COL9A2: variants seen among roughly 807,000 people sequenced by gnomAD.
COL9A2 encodes the protein collagen alpha-2(IX) chain.
COL9A2 carries 66 observed loss-of-function variants against 111.6 expected under a neutral mutation model. The ratio of observed to expected loss-of-function variants is 0.59; its 90% CI spans 0.48 to 0.73. COL9A2 has a LOEUF of 0.73. Among genes scored for constraint, COL9A2 ranks in the 30% least tolerant of loss-of-function variants. The pLI is 0.00. For synonymous variants in COL9A2, 353 were observed against 364.1 expected (o/e 0.97, Z 0.35); for missense variants, 881 against 954.1 (o/e 0.92, Z 1.01).
chr1:40,311,248 TG>T lies in COL9A2; in HGVS notation c.557del (p.Pro186GlnfsTer6), dbSNP rs749888464. ...CTCTCACCTTCACTCCCTGCAGCCC[TG>T]GGGGACCTTTCATTCCGGGTGGACA... ...TNCPPGMKGPPGLQGVKGHAG... is the reference protein window; with the variant it reads ...TNCPPGMKGPXGLQGVKGHAG... On this transcript the variant is annotated frameshift_variant, in exon 11 of 32. Coordinates refer to ENST00000372748, the MANE Select transcript of COL9A2 (RefSeq NM_001852.4). LOFTEE classifies it high-confidence loss of function. This position sits in a 1 kb window ranked among gnomAD's most constrained non-coding sequence, Gnocchi z 5.1. The T allele has an allele frequency of 1.9e-6, 3 of 1,614,146 alleles. No homozygotes were observed. The highest frequency in any genetic ancestry group is 2.5e-6 in the Non-Finnish European group (3 of 1,180,004).
chr1:40,303,451 C>A lies in COL9A2; in HGVS notation c.1548+79G>T, dbSNP rs933903733. On this transcript the variant is annotated intron_variant, in intron 28 of 31. Transcript: ENST00000372748. The surrounding 1 kb of genome is among the most constrained non-coding windows in gnomAD (Gnocchi z 4.6). The stretch of plus-strand genomic sequence containing the variant: ...GGAAGTCGGTGAGTCTCTGGGAATC[C>A]CTAGCCTTTGGCGGGTAAGCCGCAC... 5 of 1,580,290 alleles carry A rather than the reference C, an allele frequency of 3.2e-6. No individual in the cohort carries two copies. The highest frequency in any genetic ancestry group is 1.1e-5 in the South Asian group (1 of 88,326).
chr1:40,307,684 T>C lies in COL9A2; in HGVS notation c.954+19A>G. ...AGGTCCTGCCCCTGCCCCAGTCCCA[T>C]CAGCAGCCCCACTCCTACCTTCATG... is the stretch of plus-strand genomic sequence containing the variant. On this transcript the variant is annotated intron_variant, in intron 18 of 31. Coordinates refer to ENST00000372748, the MANE Select transcript of COL9A2 (RefSeq NM_001852.4). The surrounding 1 kb of genome is among the most constrained non-coding windows in gnomAD (Gnocchi z 4.8). The C allele has an allele frequency of 6.2e-7, 1 of 1,613,952 alleles. No individual in the cohort carries two copies. Among genetic ancestry groups the C allele is most frequent in the Non-Finnish European group, 8.5e-7 (1 of 1,179,892 alleles).
At chr1:40,304,203 A>G (rs1643982339) in intron 24 of COL9A2, 104 bp from the exon 25 acceptor site, 1 of 1,516,496 alleles carries the variant, frequency 6.6e-7, no homozygotes, top group African/African-American at 1.4e-5. Context: ...CTCGCCGACC[A>G]GACCAGAACC....
Position 40,303,327 on chromosome 1 carries a change from T to C in COL9A2, c.1549-142A>G, listed in dbSNP as rs935847029. 10 of 1,144,380 alleles carry C rather than the reference T, an allele frequency of 8.7e-6. No homozygotes were observed. Among genetic ancestry groups the C allele is most frequent in the African/African-American group, 3.1e-5 (2 of 64,814 alleles). 70.9% of individuals were successfully genotyped at this position (1,144,380 alleles called of 1,614,324 possible). On this transcript the variant is annotated intron_variant, in intron 28 of 31. Transcript: ENST00000372748. The surrounding 1 kb of genome is among the most constrained non-coding windows in gnomAD (Gnocchi z 4.6). The stretch of plus-strand genomic sequence containing the variant: ...CCCAAGCTGAGGAACAGATTGTACC[T>C]GGGCAGGGCCAAGGGCTTACTTGGG...
intron 24 of COL9A2, 96 bp downstream of exon 24, chr1:40,304,224 C>A: frequency 1.3e-6 from 2 of 1,523,882 alleles, no homozygotes; most frequent in Admixed American, 2.0e-5. Context: ...CTGAGATCCG[C>A]AGGTTTGGAG....
Position 40,312,321 on chromosome 1 carries a change from T to C in COL9A2, c.363+135A>G. The C allele has an allele frequency of 7.7e-7, 1 of 1,307,106 alleles. No individual in the cohort carries two copies. Among genetic ancestry groups the C allele is most frequent in the South Asian group, 1.3e-5 (1 of 78,528 alleles). The allele number at this position is 1,307,106 out of a possible 1,614,324, so 81.0% of individuals were successfully genotyped here. A position where few individuals can be genotyped will look rare whatever the true frequency, so the allele number is the denominator to read the frequency against. On this transcript the variant is annotated intron_variant, in intron 7 of 31. Coordinates refer to ENST00000372748, the MANE Select transcript of COL9A2 (RefSeq NM_001852.4). The surrounding 1 kb of genome is among the most constrained non-coding windows in gnomAD (Gnocchi z 6.0). Reference sequence around the variant, plus strand: ...CCAGAGTGGGCTGGCCCTGGGTCTCTGGCAGGTCCACTTATTCCTGACACT... The same window carrying C: ...CCAGAGTGGGCTGGCCCTGGGTCTCCGGCAGGTCCACTTATTCCTGACACT...
rs1489018835 is a variant in COL9A2 at position 40,302,793 on chromosome 1, G to A, written c.1620C>T (p.Val540=). ...GGGCTTCCCGCTTGGCACTCACGGC[G>A]ACCTCTGCCAGTTGCTCTGGAGGGA... ...LKMLQEQLAE[V]AVSAKREALG... The change falls in exon 30 of 32, where the codon GTC becomes GTT. Residue 540 remains valine, a synonymous_variant. Transcript: ENST00000372748. The surrounding 1 kb of genome is among the most constrained non-coding windows in gnomAD (Gnocchi z 4.5). The A allele has an allele frequency of 2.1e-5, 18 of 846,902 alleles. No individual in the cohort carries two copies. The highest frequency in any genetic ancestry group is 3.1e-4 in the Middle Eastern group (1 of 3,226). The allele number at this position is 846,902 out of a possible 1,614,324, so 52.5% of individuals were successfully genotyped here. A position where few individuals can be genotyped will look rare whatever the true frequency, so the allele number is the denominator to read the frequency against.
At chr1:40,306,435 G>A (rs1186675411) in intron 19 of COL9A2, among the ~76,000 whole-genome samples, 1 of 152,226 alleles carries the variant, frequency 6.6e-6, no homozygotes. Flanking sequence ...GCTCTCAGGT[G>A]CCTGAGCCCA....
intron 2 of COL9A2, 22 bp downstream of exon 2, chr1:40,315,568 T>C: frequency 6.5e-7 from 1 of 1,534,322 alleles, no homozygotes; most frequent in Non-Finnish European, 8.8e-7. Context: ...CCTCCCGCCC[T>C]GGTCTCAGGT....
In COL9A2 at chr1:40,301,081, G is replaced by C. The variant is rs1643907323; in HGVS notation, c.*101C>G. On this transcript the variant is annotated 3_prime_UTR_variant, in exon 32 of 32. Coordinates refer to ENST00000372748, the MANE Select transcript of COL9A2 (RefSeq NM_001852.4). ...CCTGAGTCCCAGACAGAAGGTCCTG[G>C]GGGAGATGGTTTCCTGGACTGGGGA... 4.8e-6 allele frequency: 6 copies of C among 1,261,242 alleles called. No individual in the cohort carries two copies. Among genetic ancestry groups the C allele is most frequent in the Non-Finnish European group, 6.9e-6 (6 of 874,178 alleles). 78.1% of individuals were successfully genotyped at this position (1,261,242 alleles called of 1,614,324 possible). A position where few individuals can be genotyped will look rare whatever the true frequency, so the allele number is the denominator to read the frequency against.
At chr1:40,305,035 C>A in intron 21 of COL9A2, 188 bp from the exon 22 acceptor site, 8 of 418,628 alleles carry the variant, frequency 1.9e-5, no homozygotes, top group Admixed American at 4.1e-5. Flanking sequence ...ATTTGAATTA[C>A]TTATCATGTG....
At position 40,314,436 on chromosome 1, in the gene COL9A2, C is replaced by G; in HGVS notation, c.151-49G>C. 6.2e-7 allele frequency: 1 copy of G among 1,612,600 alleles called. No individual in the cohort carries two copies. Among genetic ancestry groups the G allele is most frequent in the Non-Finnish European group, 8.5e-7 (1 of 1,178,626 alleles). Reference sequence around the variant, plus strand: ...CAGCACACTACGGCTCACACTACCCCAAGTGGGCACACACAGGCCCTGGCA... The same window carrying G: ...CAGCACACTACGGCTCACACTACCCGAAGTGGGCACACACAGGCCCTGGCA... On this transcript the variant is annotated intron_variant, in intron 2 of 31. Transcript: ENST00000372748. This position sits in a 1 kb window ranked among gnomAD's most constrained non-coding sequence, Gnocchi z 4.1.
At chr1:40,304,617 G>A in intron 22 of COL9A2, 88 bp from the exon 23 acceptor site, 2 of 1,516,532 alleles carry the variant, frequency 1.3e-6, no homozygotes, top group Admixed American at 1.8e-5. Flanking sequence ...TGGTCAGGGT[G>A]CCCTCCATTC....
intron 21 of COL9A2, among the ~76,000 whole-genome samples, chr1:40,305,304 C>T (rs1644009890): frequency 6.6e-6 from 1 of 152,140 alleles, no homozygotes; most frequent in Non-Finnish European, 1.5e-5. Flanking sequence ...ATCCACCCGC[C>T]TCAGCCTCCC....
chr1:40,308,938 A>G (rs1007485556), intron 16 of COL9A2, among the ~76,000 whole-genome samples: 2 of 152,178 alleles, frequency 1.3e-5, no homozygotes, highest in African/African-American at 4.8e-5. Context: ...TGTATAGTTA[A>G]AAAATTGCAT....
chr1:40,303,486 G>T lies in COL9A2; in HGVS notation c.1548+44C>A. 1.2e-6 allele frequency: 2 copies of T among 1,611,452 alleles called. No homozygotes were observed. Among genetic ancestry groups the T allele is most frequent in the Non-Finnish European group, 1.7e-6 (2 of 1,179,302 alleles). On this transcript the variant is annotated intron_variant, in intron 28 of 31. Transcript: ENST00000372748. The surrounding 1 kb of genome is among the most constrained non-coding windows in gnomAD (Gnocchi z 4.6). ...GGCGGGTAAGCCGCACCCCAGAACAGATCTACCTAGAAGAAGCACCTCCTA... is the reference window on the plus strand; with the variant it reads ...GGCGGGTAAGCCGCACCCCAGAACATATCTACCTAGAAGAAGCACCTCCTA...
At chr1:40,315,503 CGAA>C in intron 2 of COL9A2, 84 bp downstream of exon 2, 1 of 1,476,210 alleles carries the variant, frequency 6.8e-7, no homozygotes, top group Non-Finnish European at 9.1e-7. Context: ...CCGGGCACCC[CGAA>C]GTCCCCACCC....
At chr1:40,306,091 C>G in intron 20 of COL9A2, 52 bp downstream of exon 20, 1 of 1,606,144 alleles carries the variant, frequency 6.2e-7, no homozygotes, top group Non-Finnish European at 8.5e-7. Flanking sequence ...TGCTGTCTTC[C>G]TGGCCCCAGA....
intron 16 of COL9A2, among the ~76,000 whole-genome samples, chr1:40,309,022 G>A (rs369374453): frequency 1.3e-5 from 2 of 152,264 alleles, no homozygotes; most frequent in African/African-American, 4.8e-5. Flanking sequence ...GAGGCAGGTG[G>A]ATCACCTGAG....
Sources: gnomAD v4.1 joint callset for allele counts (sites outside exome capture counted in the v4.1 genomes callset) on GRCh38, gnomAD v4.1.1 for gene constraint, Gnocchi (gnomAD v3.1) non-coding constraint, MANE v1.5 for transcripts, NCBI Gene and HGNC (gene_info 2026-07-23, HGNC 2026-07-21) for gene names.